The following ARHGEF28 variants were observed in gnomAD, a reference collection of about 807,000 sequenced individuals.
The protein encoded by ARHGEF28 is Rho guanine nucleotide exchange factor 28, also known as 190 kDa guanine nucleotide exchange factor.
A neutral mutation model predicts 206.6 loss-of-function variants in ARHGEF28; 152 were observed. The ratio of observed to expected loss-of-function variants is 0.74; its 90% confidence interval spans 0.64 to 0.84. The LOEUF (loss-of-function observed/expected upper bound fraction) is 0.84. Among genes scored for constraint, ARHGEF28 ranks in the 40% least tolerant of loss-of-function variants. ARHGEF28 has a pLI of 0.00. For missense variants in ARHGEF28, 2,028 were observed against 2,073.2 expected, an observed-to-expected ratio of 0.98 and a Z score of 0.42; for synonymous variants, 763 against 776.4, an observed-to-expected ratio of 0.98 and a Z score of 0.29.
At chr5:73,671,710 A>G (rs1390172122) in intron 1 of ARHGEF28, among the ~76,000 whole-genome samples, 2 of 17,224 alleles carry the variant, frequency 1.2e-4, no homozygotes, top group Non-Finnish European at 2.6e-4. Context: ...ATATATATAT[A>G]TATATATATA....
chr5:73,935,606 A>C (rs1027819610), intron 35 of ARHGEF28, among the ~76,000 whole-genome samples: 6 of 152,214 alleles, frequency 3.9e-5, no homozygotes, highest in Non-Finnish European at 5.9e-5. Flanking sequence ...TCAGGAAATG[A>C]TTTTTTAAAT....
chr5:73,641,568 G>A (rs1744105490), intron 1 of ARHGEF28, among the ~76,000 whole-genome samples: 1 of 152,082 alleles, frequency 6.6e-6, no homozygotes, highest in Admixed American at 6.6e-5. Context: ...CATTGAGAAG[G>A]ATATGGCTTT....
At chr5:73,830,307 A>C (rs1757211412) in intron 9 of ARHGEF28, among the ~76,000 whole-genome samples, 2 of 152,158 alleles carry the variant, frequency 1.3e-5, no homozygotes, top group African/African-American at 4.8e-5. Flanking sequence ...TAATCCCAGC[A>C]CTTTGGGAGG....
At chr5:73,794,615 T>C (rs1308146554) in intron 8 of ARHGEF28, among the ~76,000 whole-genome samples, 161 bp downstream of exon 8, 1 of 151,084 alleles carries the variant, frequency 6.6e-6, no homozygotes, top group Non-Finnish European at 1.5e-5. Flanking sequence ...TTTCTTTTTT[T>C]TTTTTTTTTG....
chr5:73,698,772 G>T (rs1333354864), intron 2 of ARHGEF28, among the ~76,000 whole-genome samples: 2 of 152,080 alleles, frequency 1.3e-5, no homozygotes, highest in Non-Finnish European at 2.9e-5. Context: ...TGCAGAGCCT[G>T]TGTAGGAGCT....
At chr5:73,680,103 C>T (rs1457177579) in intron 1 of ARHGEF28, among the ~76,000 whole-genome samples, 1 of 151,992 alleles carries the variant, frequency 6.6e-6, no homozygotes, top group East Asian at 1.9e-4. Context: ...AGTGGTTGTA[C>T]TTGAACAGTT....
intron 1 of ARHGEF28, among the ~76,000 whole-genome samples, chr5:73,683,029 G>A (rs547472017): frequency 2.0e-5 from 3 of 152,172 alleles, no homozygotes; most frequent in Admixed American, 6.5e-5. Flanking sequence ...CTTGAGGGCT[G>A]GACCACTTTC....
intron 9 of ARHGEF28, among the ~76,000 whole-genome samples, chr5:73,797,203 C>A (rs1314979483): frequency 1.3e-5 from 2 of 152,124 alleles, no homozygotes; most frequent in Non-Finnish European, 2.9e-5. Context: ...CTAGCATTTT[C>A]TTTTTGGTTC....
intron 2 of ARHGEF28, among the ~76,000 whole-genome samples, chr5:73,747,681 A>C (rs1310345332): frequency 2.0e-5 from 3 of 152,122 alleles, no homozygotes; most frequent in Non-Finnish European, 2.9e-5. Flanking sequence ...GTTACCATAT[A>C]AGAGACTTTT....
chr5:73,737,456 T>C (rs1751027873), intron 2 of ARHGEF28, among the ~76,000 whole-genome samples: 1 of 47,884 alleles, frequency 2.1e-5, no homozygotes, highest in Admixed American at 2.7e-4. Flanking sequence ...TCTTTTCTTT[T>C]CTTTTCTTTT....
intron 7 of ARHGEF28, among the ~76,000 whole-genome samples, chr5:73,793,067 G>T (rs772108139): frequency 1.3e-5 from 2 of 152,066 alleles, no homozygotes; most frequent in Non-Finnish European, 2.9e-5. Context: ...ACAAAATTGG[G>T]GTTATTACTT....
Position 73,904,342 on chromosome 5 carries a change from C to T in ARHGEF28, c.4114-16C>T, listed in dbSNP as rs772973049. ...AGCTTTTTCAAGAATTTGACACTTA[C>T]AATTTTGTTTTTCAGATTATACAAG... On this transcript the variant is annotated splice_polypyrimidine_tract_variant and intron_variant, in intron 32 of 35. Transcript: ENST00000513042. The T allele has an allele frequency of 1.5e-5, 24 of 1,613,154 alleles. No individual in the cohort carries two copies. Among genetic ancestry groups the T allele is most frequent in the African/African-American group, 2.7e-5 (2 of 74,976 alleles).
intron 2 of ARHGEF28, among the ~76,000 whole-genome samples, chr5:73,748,764 A>G (rs1259492039): frequency 1.3e-5 from 2 of 150,492 alleles, no homozygotes; most frequent in African/African-American, 2.4e-5. Context: ...CCAGGTTTCC[A>G]TTTCCCCGCC....
chr5:73,769,537 C>G (rs1229211055), intron 4 of ARHGEF28, among the ~76,000 whole-genome samples: 1 of 152,038 alleles, frequency 6.6e-6, no homozygotes, highest in Non-Finnish European at 1.5e-5. Context: ...ATCTGTAATT[C>G]ATTTTGATTG....
At chr5:73,852,829 C>T in intron 14 of ARHGEF28, 137 bp downstream of exon 14, 1 of 892,750 alleles carries the variant, frequency 1.1e-6, no homozygotes, top group Non-Finnish European at 1.8e-6. Context: ...CCTTTGCTCC[C>T]TCTGGGATCT....
chr5:73,702,275 T>C, intron 2 of ARHGEF28, among the ~76,000 whole-genome samples: 1 of 151,274 alleles, frequency 6.6e-6, no homozygotes, highest in East Asian at 1.9e-4. Flanking sequence ...TGGTAAAATA[T>C]AACATATCAT....
chr5:73,690,829 CAATT>C (rs1747775864), intron 2 of ARHGEF28, among the ~76,000 whole-genome samples: 1 of 152,082 alleles, frequency 6.6e-6, no homozygotes, highest in Non-Finnish European at 1.5e-5. Context: ...CATTTTTCCT[CAATT>C]AAAATGGCTT....
intron 2 of ARHGEF28, among the ~76,000 whole-genome samples, chr5:73,748,446 G>C (rs190127349): frequency 4.4e-4 from 67 of 152,164 alleles, no homozygotes; most frequent in African/African-American, 1.5e-3. Context: ...ATAGTTGTTT[G>C]TTTATTGTAA....
intron 2 of ARHGEF28, among the ~76,000 whole-genome samples, chr5:73,729,772 T>G (rs1181833608): frequency 6.6e-6 from 1 of 152,194 alleles, no homozygotes; most frequent in Non-Finnish European, 1.5e-5. Context: ...CTATTTTTGT[T>G]AGTGTTAGAG....
Sources: gnomAD v4.1 joint callset for allele counts (sites outside exome capture counted in the v4.1 genomes callset) on GRCh38, gnomAD v4.1.1 for gene constraint, MANE v1.5 for transcripts, NCBI Gene and HGNC (gene_info 2026-07-23, HGNC 2026-07-21) for gene names.